The following ADAR variants were observed in gnomAD, a reference collection of about 807,000 sequenced individuals.
ADAR encodes double-stranded RNA-specific adenosine deaminase.
In ADAR, 41 loss-of-function variants were observed where a neutral mutation model predicts 113.2. That is an observed-to-expected ratio of 0.36 (90% CI 0.28 to 0.47). The LOEUF (loss-of-function observed/expected upper bound fraction) is 0.47, where lower values mean the gene tolerates loss of function less well. Among genes scored for constraint, ADAR ranks in the 20% least tolerant of loss-of-function variants. ADAR has a pLI of 1.00. For missense variants in ADAR, 1,242 were observed against 1,540.9 expected, an observed-to-expected ratio of 0.81 and a Z score of 3.25; for synonymous variants, 605 against 572.6, an observed-to-expected ratio of 1.06 and a Z score of -0.81.
chr1:154,606,201 C>T (rs957777905), intron 1 of ADAR, among the ~76,000 whole-genome samples: 4 of 152,242 alleles, frequency 2.6e-5, no homozygotes, highest in East Asian at 1.9e-4. Context: ...GCCACCACAC[C>T]CAGCTAATTT....
chr1:154,587,762 C>T (rs963145681), intron 11 of ADAR, among the ~76,000 whole-genome samples: 3 of 152,148 alleles, frequency 2.0e-5, no homozygotes, highest in African/African-American at 7.2e-5. Context: ...TTGGTTGTGC[C>T]GCACTCTTCA....
intron 7 of ADAR, 41 bp downstream of exon 7, chr1:154,590,140 GACC>G: frequency 7.3e-7 from 1 of 1,373,182 alleles, no homozygotes; most frequent in Non-Finnish European, 1.0e-6. Context: ...GAGTTAGGAG[GACC>G]CCCCCGCCCC....
Position 154,586,830 on chromosome 1 carries a change from G to A in ADAR, c.3020-467C>T, listed in dbSNP as rs552270662. On this transcript the variant is annotated intron_variant, in intron 11 of 14. Transcript: ENST00000368474. Reference sequence around the variant, plus strand: ...CAGCGGATTGGCTGTTCAGGCGCCTGACAGAGAGCCAGTGTGGACAGAGCA... The same window carrying A: ...CAGCGGATTGGCTGTTCAGGCGCCTAACAGAGAGCCAGTGTGGACAGAGCA... 2.6e-5 allele frequency among the ~76,000 whole-genome samples: 4 copies of A among 152,306 alleles called. No homozygotes were observed. In the South Asian group the frequency reaches 8.3e-4, roughly 32 times the overall value.
chr1:154,584,475 A>G lies in ADAR; in HGVS notation c.*331T>C, dbSNP rs1696613335. The G allele has an allele frequency of 6.5e-6, 2 of 309,892 alleles. No homozygotes were observed. Among genetic ancestry groups the G allele is most frequent in the Non-Finnish European group, 1.2e-5 (2 of 165,880 alleles). The allele number at this position is 309,892 out of a possible 1,614,324, so 19.2% of individuals were successfully genotyped here. On this transcript the variant is annotated 3_prime_UTR_variant, in exon 15 of 15. Transcript: ENST00000368474. ...GTGTAGCAAACACAAAGGGAAAGGAAATGGAAACAAATCAAAACAAAACTT... is the reference window on the plus strand; with the variant it reads ...GTGTAGCAAACACAAAGGGAAAGGAGATGGAAACAAATCAAAACAAAACTT...
chr1:154,626,215 A>C (rs138303887), intron 1 of ADAR, among the ~76,000 whole-genome samples: 45,001 of 150,532 alleles, frequency 0.3, 6,777 homozygotes, highest in East Asian at 0.31. Context: ...CCTGGGTTTG[A>C]GAGATTGTCC....
intron 6 of ADAR, among the ~76,000 whole-genome samples, chr1:154,593,630 A>C (rs1451523714): frequency 6.6e-6 from 1 of 152,242 alleles, no homozygotes; most frequent in Non-Finnish European, 1.5e-5. Flanking sequence ...AAGGATATGA[A>C]TTAGTAGAAG....
intron 1 of ADAR, among the ~76,000 whole-genome samples, chr1:154,625,305 G>T (rs928980342): frequency 6.6e-6 from 1 of 152,188 alleles, no homozygotes; most frequent in Non-Finnish European, 1.5e-5. Context: ...CACTGAGAAA[G>T]AGCAAGACTC....
At chr1:154,614,276 G>A (rs1377231570) in intron 1 of ADAR, among the ~76,000 whole-genome samples, 1 of 152,218 alleles carries the variant, frequency 6.6e-6, no homozygotes, top group African/African-American at 2.4e-5. Context: ...TCCGATGCTA[G>A]ATTGTTCTTG....
rs1232214809 is a variant in ADAR at position 154,590,191 on chromosome 1, G to C, written c.2489C>G (p.Pro830Arg). Residue 830 changes from proline to arginine, a missense_variant, in exon 7 of 15, where the codon CCA becomes CGA. Coordinates refer to ENST00000368474, the MANE Select transcript of ADAR (RefSeq NM_001111.5). ...AAAAGTAGACGTCTTAACTGTCTTT[G>C]GCTGTGCTTCTGGGGACCTTGAGAG... ...LLLSRSPEAQPKTLPLTGSTF... is the reference protein window; with the variant it reads ...LLLSRSPEAQRKTLPLTGSTF... 18 of 1,605,824 alleles carry C rather than the reference G, an allele frequency of 1.1e-5. No individual in the cohort carries two copies. Among genetic ancestry groups the C allele is most frequent in the Non-Finnish European group, 1.0e-5 (12 of 1,176,810 alleles).
intron 6 of ADAR, among the ~76,000 whole-genome samples, chr1:154,596,143 T>C (rs1036184551): frequency 6.6e-6 from 1 of 152,232 alleles, no homozygotes; most frequent in Non-Finnish European, 1.5e-5. Context: ...GCATCCCAGT[T>C]GCTAATGCAG....
At chr1:154,590,134 T>TCGGCGGGGGGGGGGGG in intron 7 of ADAR, 50 bp downstream of exon 7, 2 of 1,447,044 alleles carry the variant, frequency 1.4e-6, no homozygotes, top group Non-Finnish European at 1.9e-6. Flanking sequence ...ACTTAGGAGT[T>TCGGCGGGGGGGGGGGG]AGGAGGACCC....
At chr1:154,599,540 G>A (rs1294097441) in intron 2 of ADAR, among the ~76,000 whole-genome samples, 2 of 152,310 alleles carry the variant, frequency 1.3e-5, no homozygotes, top group East Asian at 3.9e-4. Context: ...CTCCTGAAAT[G>A]CCAAATTGGT....
At position 154,582,475 on chromosome 1, in the gene ADAR, A is replaced by AGGGGCATG. The variant is rs113414804; in HGVS notation, c.*2323_*2330dup. The AGGGGCATG allele has an allele frequency of 0.94, 141,765 of 151,618 alleles. 66,929 individuals are homozygous for AGGGGCATG. The highest frequency in any genetic ancestry group is 1 in the South Asian group (4,766 of 4,784). The allele number at this position is 151,618 out of a possible 1,614,324, so 9.4% of individuals were successfully genotyped here. A position where few individuals can be genotyped will look rare whatever the true frequency, so the allele number is the denominator to read the frequency against. On this transcript the variant is annotated 3_prime_UTR_variant, in exon 15 of 15. Coordinates refer to ENST00000368474, the MANE Select transcript of ADAR (RefSeq NM_001111.5). ...GCCTCCTCTGTCCTGTGTGACTCAG[A>AGGGGCATG]GGGGCATGGGGGCGCAGGGATGTGC...
In ADAR at chr1:154,601,871, G is replaced by A. The variant is rs368596210; in HGVS notation, c.771C>T (p.Ser257=). The change falls in exon 2 of 15, where the codon AGC becomes AGT. Residue 257 remains serine, a synonymous_variant. Transcript: ENST00000368474. This position sits in a 1 kb window ranked among gnomAD's most constrained non-coding sequence, Gnocchi z 4.7. ...AVSAQAWNQH[S]GVVRPDSHSQ... ...TATGACTGTCTGGTCTTACCACTCC[G>A]CTGTGCTGGTTCCAAGCCTGAGCTG... 2.2e-5 allele frequency: 36 copies of A among 1,614,020 alleles called. No homozygotes were observed. Among genetic ancestry groups the A allele is most frequent in the Non-Finnish European group, 2.9e-5 (34 of 1,180,034 alleles).
chr1:154,616,556 T>C (rs1349673242), intron 1 of ADAR, among the ~76,000 whole-genome samples: 3 of 152,136 alleles, frequency 2.0e-5, no homozygotes, highest in African/African-American at 7.2e-5. Context: ...CTCTAACCCC[T>C]ACCCCCTCCC....
At chr1:154,597,509 A>G (rs1006888679) in intron 4 of ADAR, among the ~76,000 whole-genome samples, 10 of 152,168 alleles carry the variant, frequency 6.6e-5, no homozygotes, top group African/African-American at 2.2e-4. Flanking sequence ...TCTCTTGAAC[A>G]TGTGAGTCTA....
chr1:154,585,673 C>G (rs1256640905), intron 13 of ADAR, 80 bp downstream of exon 13: 3 of 1,242,824 alleles, frequency 2.4e-6, no homozygotes, highest in Non-Finnish European at 3.5e-6. Context: ...CCCTTGCCCA[C>G]AGTGTACATT....
rs1341114966 is a variant in ADAR at position 154,602,423 on chromosome 1, T to C, written c.219A>G (p.Pro73=). 1.9e-6 allele frequency: 3 copies of C among 1,609,044 alleles called. No homozygotes were observed. The highest frequency in any genetic ancestry group is 1.3e-5 in the African/African-American group (1 of 74,980). Residue 73 remains proline, a synonymous_variant, in exon 2 of 15, where the codon CCA becomes CCG. Coordinates refer to ENST00000368474, the MANE Select transcript of ADAR (RefSeq NM_001111.5). The part of the protein sequence containing the change: ...SLPPSLPGLR[P]RFPVLLASST... The stretch of plus-strand genomic sequence containing the variant: ...TGGAGGCAAGTAGTACTGGAAACCT[T>C]GGCCGGAGTCCTGGGAGGGAAGGTG...
chr1:154,596,979 G>C lies in ADAR; in HGVS notation c.2096C>G (p.Ser699Ter). ...GGATTCCAAGTTATCAAGTGACTCT[G>C]AGATCATACCTTCAGGCTAAAGGAG... The part of the protein sequence containing the change: ...ASDNQPEGMI[S>*]ESLDNLESMM... The change falls in exon 6 of 15, where the codon TCA (serine) becomes TGA (stop). Residue 699 changes from serine (S) to a stop codon, truncating the protein, a stop_gained. Transcript: ENST00000368474. LOFTEE classifies it high-confidence loss of function. 1 of 1,614,178 alleles carries C rather than the reference G, an allele frequency of 6.2e-7. No individual in the cohort carries two copies. Among genetic ancestry groups the C allele is most frequent in the Non-Finnish European group, 8.5e-7 (1 of 1,180,034 alleles).
Sources: allele counts gnomAD v4.1 joint callset (sites outside exome capture counted in the v4.1 genomes callset), GRCh38; gene constraint gnomAD v4.1.1; non-coding constraint Gnocchi (gnomAD v3.1); transcripts MANE v1.5; gene names NCBI Gene and HGNC (gene_info 2026-07-23, HGNC 2026-07-21).